SMIM8: variants seen among roughly 807,000 people sequenced by gnomAD.
SMIM8 encodes small integral membrane protein 8.
In SMIM8, 8 loss-of-function variants were observed where a neutral mutation model predicts 8.1. That is an observed-to-expected ratio of 0.99 (90% CI 0.58 to 1.78). SMIM8 has a LOEUF of 1.78. SMIM8 is among the 40% of genes most tolerant of loss of function. The pLI, the probability that SMIM8 is intolerant of heterozygous loss-of-function variation, is 0.00. For missense variants in SMIM8, 126 were observed against 119.8 expected (o/e 1.05, Z -0.24); for synonymous variants, 45 against 39.7 (o/e 1.13, Z -0.50).
Position 87,341,035 on chromosome 6 carries a change from A to G in SMIM8, c.*761A>G. Reference sequence around the variant, plus strand: ...GTGTTTATGTTAATTAATGTTAATTAATTTTGTTTATGTTAATTTGTGTTA... The same window carrying G: ...GTGTTTATGTTAATTAATGTTAATTGATTTTGTTTATGTTAATTTGTGTTA... On this transcript the variant is annotated 3_prime_UTR_variant, in exon 4 of 4. Coordinates refer to ENST00000392863, the MANE Select transcript of SMIM8 (RefSeq NM_001042493.3). 1 of 357,572 alleles carries G rather than the reference A, an allele frequency of 2.8e-6. No individual in the cohort carries two copies. Among genetic ancestry groups the G allele is most frequent in the Admixed American group, 4.6e-5 (1 of 21,604 alleles). 22.1% of individuals were successfully genotyped at this position (357,572 alleles called of 1,614,324 possible).
chr6:87,328,964 T>A (rs1401291996), intron 1 of SMIM8, among the ~76,000 whole-genome samples: 3 of 152,222 alleles, frequency 2.0e-5, no homozygotes, highest in African/African-American at 4.8e-5. Flanking sequence ...GTGCGCCATT[T>A]TTTAAGCCCG....
rs1777213386 is a variant in SMIM8, at chr6:87,340,702, A to G, written c.*428A>G. 6.5e-6 allele frequency: 1 copy of G among 152,878 alleles called. No individual in the cohort carries two copies. Among genetic ancestry groups the G allele is most frequent in the African/African-American group, 2.4e-5 (1 of 41,478 alleles). 9.5% of individuals were successfully genotyped at this position (152,878 alleles called of 1,614,324 possible). A position where few individuals can be genotyped will look rare whatever the true frequency, so the allele number is the denominator to read the frequency against. ...ATGTTCTCCCTGGCATAGAACCTAT[A>G]TTTTTAAAGAAAGATAAATAGAAAT... On this transcript the variant is annotated 3_prime_UTR_variant, in exon 4 of 4. Coordinates refer to ENST00000392863, the MANE Select transcript of SMIM8 (RefSeq NM_001042493.3).
intron 2 of SMIM8, among the ~76,000 whole-genome samples, chr6:87,332,844 G>C (rs910472973): frequency 1.3e-5 from 2 of 150,020 alleles, no homozygotes; most frequent in African/African-American, 4.9e-5. Context: ...GGCACACTCT[G>C]AGGCTGAGAT....
intron 1 of SMIM8, among the ~76,000 whole-genome samples, chr6:87,327,927 C>G (rs1216693370): frequency 1.3e-5 from 2 of 149,976 alleles, no homozygotes; most frequent in East Asian, 3.9e-4. Flanking sequence ...CACATAGTCC[C>G]ATATTTCTTG....
chr6:87,325,422 T>C (rs1274255205), intron 1 of SMIM8, among the ~76,000 whole-genome samples: 1 of 148,346 alleles, frequency 6.7e-6, no homozygotes, highest in African/African-American at 2.6e-5. Context: ...ATAGCTCTTA[T>C]TATTTTGAGA....
rs370843742 is a variant in SMIM8, at chr6:87,336,982, G to T, written c.-23-27G>T. 1.1e-4 allele frequency: 162 copies of T among 1,507,654 alleles called. No individual in the cohort carries two copies. In the African/African-American group the frequency reaches 1.9e-3, roughly 18 times the overall value. The allele number at this position is 1,507,654 out of a possible 1,614,324, so 93.4% of individuals were successfully genotyped here. ...TTATCAGAGAAGCACAATTATGAAG[G>T]GAAAAAATATATTATTTTGTTTTTA... On this transcript the variant is annotated intron_variant, in intron 2 of 3. Transcript: ENST00000392863.
intron 2 of SMIM8, among the ~76,000 whole-genome samples, 156 bp from the exon 3 acceptor site, chr6:87,336,853 A>G (rs1777122399): frequency 6.6e-6 from 1 of 152,240 alleles, no homozygotes; most frequent in Admixed American, 6.5e-5. Context: ...AGCACCATTT[A>G]CAAAGTACAT....
chr6:87,340,939 TAAA>T lies in SMIM8; in HGVS notation c.*678_*680del, dbSNP rs34117394. ...TCCCAGAGTAATTGGAGTTTTTCTT[TAAA>T]AAAAAAAAAAAAGTATGTTTTACTG... On this transcript the variant is annotated 3_prime_UTR_variant, in exon 4 of 4. Transcript: ENST00000392863. The T allele has an allele frequency of 8.5e-4, 137 of 161,088 alleles. No individual in the cohort carries two copies. Among genetic ancestry groups the T allele is most frequent in the East Asian group, 2.0e-3 (12 of 6,046 alleles). The allele number at this position is 161,088 out of a possible 1,614,324, so 10.0% of individuals were successfully genotyped here.
In SMIM8 at chr6:87,328,866, C is replaced by T. The variant is rs28890862; in HGVS notation, c.-44-1826C>T. ...CTCCCCCAGCCTCACTGCCGCCTTG[C>T]AGTTTGATCTCAGACTGCTGTGCTA... On this transcript the variant is annotated intron_variant, in intron 1 of 3. Transcript: ENST00000392863. 1.1e-3 allele frequency among the ~76,000 whole-genome samples: 174 copies of T among 152,308 alleles called. 3 individuals are homozygous for T. The East Asian group carries it at 0.031, about 27-fold the overall frequency.
Position 87,339,371 on chromosome 6 carries a change from T to A in SMIM8, c.136-745T>A, listed in dbSNP as rs953204090. On this transcript the variant is annotated intron_variant, in intron 3 of 3. Transcript: ENST00000392863. ...GTGTGTGTGTGTGTGTGTGTGTGTGTGAAATCCTGTCTCTTAACCTCTTAA... is the reference window on the plus strand; with the variant it reads ...GTGTGTGTGTGTGTGTGTGTGTGTGAGAAATCCTGTCTCTTAACCTCTTAA... Among the ~76,000 whole-genome samples, 87 of 130,284 alleles carry A rather than the reference T, an allele frequency of 6.7e-4. 1 individual carries two copies. Among genetic ancestry groups the A allele is most frequent in the African/African-American group, 9.1e-4 (30 of 32,976 alleles). The allele number at this position is 130,284 out of a possible 152,430, so 85.5% of individuals were successfully genotyped here.
chr6:87,334,521 C>G (rs1236078620), intron 2 of SMIM8, among the ~76,000 whole-genome samples: 1 of 152,102 alleles, frequency 6.6e-6, no homozygotes, highest in Non-Finnish European at 1.5e-5. Context: ...CCAGGCTGGT[C>G]TCAGACTCCT....
chr6:87,329,514 A>G (rs1158449713), intron 1 of SMIM8, among the ~76,000 whole-genome samples: 1 of 132,860 alleles, frequency 7.5e-6, no homozygotes, highest in South Asian at 2.2e-4. Flanking sequence ...ACCTCAAGTG[A>G]TCCTGACCTC....
At chr6:87,337,234 C>A in intron 3 of SMIM8, 68 bp downstream of exon 3, 1 of 1,469,674 alleles carries the variant, frequency 6.8e-7, no homozygotes, top group Admixed American at 2.3e-5. Flanking sequence ...TTCTAATTTT[C>A]TTGTATTTGA....
chr6:87,333,349 G>A (rs756054413), intron 2 of SMIM8, among the ~76,000 whole-genome samples: 7 of 152,096 alleles, frequency 4.6e-5, no homozygotes, highest in African/African-American at 1.7e-4. Context: ...CCTCACCTCC[G>A]ACATTGGAGG....
chr6:87,328,393 T>C (rs12197407), intron 1 of SMIM8, among the ~76,000 whole-genome samples: 56,021 of 151,580 alleles, frequency 0.37, 12,004 homozygotes, highest in Non-Finnish European at 0.48. Flanking sequence ...TTATCTACTT[T>C]TTGTCTTTGT....
intron 2 of SMIM8, among the ~76,000 whole-genome samples, chr6:87,336,500 G>T (rs1256172477): frequency 6.6e-6 from 1 of 152,166 alleles, no homozygotes; most frequent in South Asian, 2.1e-4. Flanking sequence ...ATGAGTTCGT[G>T]TGTGGGCTAG....
chr6:87,329,538 G>A (rs1776940526), intron 1 of SMIM8, among the ~76,000 whole-genome samples: 2 of 152,164 alleles, frequency 1.3e-5, no homozygotes, highest in African/African-American at 4.8e-5. Flanking sequence ...CAATCTACCC[G>A]CTTCGGCCTC....
At chr6:87,326,207 C>T (rs1226887802) in intron 1 of SMIM8, among the ~76,000 whole-genome samples, 2 of 152,112 alleles carry the variant, frequency 1.3e-5, no homozygotes, top group Non-Finnish European at 2.9e-5. Context: ...TTGATCCGTT[C>T]AAAAAACCAG....
intron 3 of SMIM8, among the ~76,000 whole-genome samples, chr6:87,339,435 T>TG (rs1777176553): frequency 6.7e-5 from 6 of 89,012 alleles, no homozygotes; most frequent in East Asian, 3.0e-4. Flanking sequence ...TGTGTGTGTG[T>TG]TTGTGTGTGT....
Sources: gnomAD v4.1 joint callset for allele counts (sites outside exome capture counted in the v4.1 genomes callset) on GRCh38, gnomAD v4.1.1 for gene constraint, MANE v1.5 for transcripts, NCBI Gene and HGNC (gene_info 2026-07-23, HGNC 2026-07-21) for gene names.